CNIH3: variants seen among roughly 807,000 people sequenced by gnomAD.
The protein encoded by CNIH3 is protein cornichon homolog 3.
Under a neutral mutation model 24.1 loss-of-function variants are expected in CNIH3, and 14 were observed. That is an observed-to-expected ratio of 0.58 (90% CI 0.38 to 0.91). CNIH3 has a LOEUF of 0.91. CNIH3 is among the 40% of genes least tolerant of loss of function. The pLI is 0.00. For missense variants in CNIH3, 178 were observed against 196.8 expected, an observed-to-expected ratio of 0.90 and a Z score of 0.57; for synonymous variants, 68 against 73.8, an observed-to-expected ratio of 0.92 and a Z score of 0.40.
chr1:224,494,706 A>G (rs1438909869), intron 1 of CNIH3, among the ~76,000 whole-genome samples: 2 of 152,100 alleles, frequency 1.3e-5, no homozygotes, highest in Non-Finnish European at 2.9e-5. Context: ...ATCAAAACTG[A>G]ATTCCAACTT....
chr1:224,563,300 G>C (rs1237675312), intron 3 of CNIH3, among the ~76,000 whole-genome samples: 5 of 152,018 alleles, frequency 3.3e-5, no homozygotes, highest in Admixed American at 3.3e-4. Flanking sequence ...ACCTCACAAG[G>C]GTGTGAAGTG....
intron 3 of CNIH3, among the ~76,000 whole-genome samples, chr1:224,548,338 C>G (rs553016700): frequency 6.6e-6 from 1 of 151,982 alleles, no homozygotes; most frequent in African/African-American, 2.4e-5. Context: ...CTTTCAATAT[C>G]ACAGTGGGTG....
In CNIH3 at chr1:224,445,432, C is replaced by T. The variant is rs184569001; in HGVS notation, n.203+10570C>T. Among the ~76,000 whole-genome samples, 23 of 151,808 alleles carry T rather than the reference C, an allele frequency of 1.5e-4. No homozygotes were observed. In the East Asian group the frequency reaches 2.5e-3, roughly 17 times the overall value. On this transcript the variant is annotated intron_variant and non_coding_transcript_variant, in intron 1 of 5. Coordinates refer to the CNIH3 transcript ENST00000471578. ...CTCTACTAAAAATACGAAAATTAGCCGGGCGTGGTGGCGCATGCCTGTAAT... is the reference window on the plus strand; with the variant it reads ...CTCTACTAAAAATACGAAAATTAGCTGGGCGTGGTGGCGCATGCCTGTAAT...
chr1:224,720,252 C>CTTTTTTTTT (rs10625559), intron 3 of CNIH3, among the ~76,000 whole-genome samples: 1 of 142,084 alleles, frequency 7.0e-6, no homozygotes. Context: ...GGATAGTCAT[C>CTTTTTTTTT]TTTTTTTTTT....
At chr1:224,627,319 G>A (rs1164379235) in intron 1 of CNIH3, among the ~76,000 whole-genome samples, 1 of 151,830 alleles carries the variant, frequency 6.6e-6, no homozygotes, top group Non-Finnish European at 1.5e-5. Context: ...CTCTGCCCCC[G>A]GGTTCAAGCA....
chr1:224,444,358 TTTTTTA>T (rs749300269), intron 1 of CNIH3, among the ~76,000 whole-genome samples: 22 of 152,068 alleles, frequency 1.4e-4, no homozygotes, highest in Non-Finnish European at 2.4e-4. Flanking sequence ...GCATTTGGTT[TTTTTTA>T]TTTTTATTTT....
At chr1:224,565,382 T>G (rs771014137) in intron 3 of CNIH3, 1 of 152,126 alleles carries the variant, frequency 6.6e-6, no homozygotes, top group Non-Finnish European at 1.5e-5. Context: ...GCTGTATGAG[T>G]CAGGAGTTCT....
intron 3 of CNIH3, among the ~76,000 whole-genome samples, chr1:224,710,062 T>C (rs936786807): frequency 6.6e-6 from 1 of 152,140 alleles, no homozygotes; most frequent in African/African-American, 2.4e-5. Context: ...ATGAATACGG[T>C]CTCTCTCAAA....
intron 1 of CNIH3, among the ~76,000 whole-genome samples, chr1:224,501,530 T>A (rs867536935): frequency 1.3e-4 from 20 of 149,416 alleles, no homozygotes; most frequent in South Asian, 8.4e-4. Context: ...TATATATTTT[T>A]TTTTTTTAAC....
chr1:224,637,692 T>A (rs1319800686), intron 1 of CNIH3, among the ~76,000 whole-genome samples: 4 of 152,222 alleles, frequency 2.6e-5, no homozygotes, highest in African/African-American at 9.7e-5. Flanking sequence ...TATTACCAAG[T>A]GGCCAGTTGC....
At chr1:224,574,713 C>T (rs777192328) in intron 4 of CNIH3, 2 of 1,199,236 alleles carry the variant, frequency 1.7e-6, no homozygotes, top group South Asian at 1.2e-5. Flanking sequence ...AGGAGCCTGC[C>T]AGAAGATGCT....
At chr1:224,667,082 A>G (rs1337538) in intron 1 of CNIH3, among the ~76,000 whole-genome samples, 37,481 of 152,096 alleles carry the variant, frequency 0.25, 4,893 homozygotes, top group East Asian at 0.36. Flanking sequence ...CTCCCAGAAC[A>G]GTGCCTCATA....
At chr1:224,688,854 G>A (rs867460523) in intron 3 of CNIH3, among the ~76,000 whole-genome samples, 5 of 151,560 alleles carry the variant, frequency 3.3e-5, no homozygotes, top group Non-Finnish European at 5.9e-5. Context: ...GAACCCAGGA[G>A]GTGGAGGTTG....
At chr1:224,464,184 T>C (rs762853221) in intron 1 of CNIH3, among the ~76,000 whole-genome samples, 6 of 152,354 alleles carry the variant, frequency 3.9e-5, no homozygotes, top group Admixed American at 1.3e-4. Context: ...TGGGTTATGC[T>C]CTTGGTGTCA....
At chr1:224,447,924 G>A (rs1675232527) in intron 1 of CNIH3, among the ~76,000 whole-genome samples, 1 of 152,138 alleles carries the variant, frequency 6.6e-6, no homozygotes, top group Non-Finnish European at 1.5e-5. Flanking sequence ...AGAAACTAAG[G>A]CACAGAGGGG....
intron 1 of CNIH3, among the ~76,000 whole-genome samples, chr1:224,663,141 C>G (rs1345074900): frequency 6.6e-6 from 1 of 152,112 alleles, no homozygotes; most frequent in East Asian, 1.9e-4. Flanking sequence ...GAACTCTGAC[C>G]CAGTTTCCCA....
In CNIH3 at chr1:224,609,752, C is replaced by T. The variant is rs900828132; in HGVS notation, n.402+43488C>T. Among the ~76,000 whole-genome samples the T allele has an allele frequency of 4.6e-5, 7 of 152,336 alleles. No individual in the cohort carries two copies. In the East Asian group the frequency reaches 9.6e-4, roughly 21 times the overall value. ...AAGAGGAGGCTCACAGCCCACTTAA[C>T]TGAGCTTCCCATGAATCCAAAGGCA... On this transcript the variant is annotated intron_variant and non_coding_transcript_variant, in intron 3 of 7. Coordinates refer to the CNIH3 transcript ENST00000478120.
chr1:224,612,317 T>C (rs191489641), upstream of CNIH3, among the ~76,000 whole-genome samples: 14 of 152,312 alleles, frequency 9.2e-5, no homozygotes, highest in African/African-American at 3.4e-4. This position sits in a 1 kb window ranked among gnomAD's most constrained non-coding sequence, Gnocchi z 4.7. Flanking sequence ...GGCCAGTTTT[T>C]TTTTCTAGGG....
At chr1:224,563,593 A>G (rs1464081284) in intron 3 of CNIH3, among the ~76,000 whole-genome samples, 2 of 152,086 alleles carry the variant, frequency 1.3e-5, no homozygotes, top group African/African-American at 4.8e-5. Flanking sequence ...GAAGAACTTT[A>G]GAGTACTTAA....
Sources: allele counts gnomAD v4.1 joint callset (sites outside exome capture counted in the v4.1 genomes callset), GRCh38; gene constraint gnomAD v4.1.1; non-coding constraint Gnocchi (gnomAD v3.1); transcripts MANE v1.5; gene names NCBI Gene and HGNC (gene_info 2026-07-23, HGNC 2026-07-21).